PRKACA: variants seen among roughly 807,000 people sequenced by gnomAD.
The protein encoded by PRKACA is cAMP-dependent protein kinase catalytic subunit alpha.
A neutral mutation model predicts 45.8 loss-of-function variants in PRKACA; 9 were observed. That is an observed-to-expected ratio of 0.20 (90% confidence interval 0.12 to 0.34). PRKACA has a LOEUF of 0.34. PRKACA is among the 10% of genes least tolerant of loss of function. PRKACA has a pLI of 1.00. For missense variants in PRKACA, 238 were observed against 458.6 expected, an observed-to-expected ratio of 0.52 and a Z score of 4.39; for synonymous variants, 160 against 178.6, an observed-to-expected ratio of 0.90 and a Z score of 0.83.
intron 1 of PRKACA, among the ~76,000 whole-genome samples, chr19:14,109,391 T>G (rs1977704124): frequency 6.6e-6 from 1 of 151,666 alleles, no homozygotes. Context: ...GAAGTTGCAG[T>G]GAGCTGAGAT....
rs553317812 is a variant in PRKACA at position 14,111,715 on chromosome 19, C to T, written c.47-4306G>A. 3.9e-5 allele frequency among the ~76,000 whole-genome samples: 6 copies of T among 152,158 alleles called. 1 individual carries two copies. The highest frequency in any genetic ancestry group is 4.1e-4 in the South Asian group (2 of 4,826). ...TTAGTCTCCCAAAGTGCTGGGATTACGGGCATGAGCCACTGTGCCTGGCTT... is the reference window on the plus strand; with the variant it reads ...TTAGTCTCCCAAAGTGCTGGGATTATGGGCATGAGCCACTGTGCCTGGCTT... On this transcript the variant is annotated intron_variant, in intron 1 of 9. Transcript: ENST00000308677.
Position 14,097,158 on chromosome 19 carries a change from G to A in PRKACA, c.765+203C>T. On this transcript the variant is annotated intron_variant, in intron 8 of 9. Transcript: ENST00000308677. This position sits in a 1 kb window ranked among gnomAD's most constrained non-coding sequence, Gnocchi z 5.4. ...GGATTTTGGAAGCCCATGGGATTCT[G>A]GAACCGCGGGGTTGGGGCTGGACAG... 1.4e-6 allele frequency: 1 copy of A among 727,204 alleles called. No individual in the cohort carries two copies. The highest frequency in any genetic ancestry group is 2.2e-6 in the Non-Finnish European group (1 of 452,592). The allele number at this position is 727,204 out of a possible 1,614,324, so 45.0% of individuals were successfully genotyped here.
chr19:14,106,666 G>A, intron 3 of PRKACA, 94 bp downstream of exon 3: 1 of 1,528,022 alleles, frequency 6.5e-7, no homozygotes, highest in Non-Finnish European at 8.9e-7. Flanking sequence ...AAAAAAGCAA[G>A]TGAGTGAACG....
intron 1 of PRKACA, among the ~76,000 whole-genome samples, chr19:14,115,880 C>CCG (rs908654826): frequency 7.9e-5 from 12 of 152,106 alleles, no homozygotes; most frequent in Admixed American, 3.9e-4. Flanking sequence ...CCTCCCCCCC[C>CCG]GGCCAAGTCC....
intron 9 of PRKACA, 111 bp from the exon 10 acceptor site, chr19:14,093,348 G>C (rs1378491187): frequency 1.4e-6 from 2 of 1,396,782 alleles, no homozygotes; most frequent in African/African-American, 1.5e-5. Context: ...ACTCAGGCCT[G>C]TGCTTACCAT....
rs997011707 is a variant in PRKACA at position 14,092,786 on chromosome 19, C to T, written c.*326G>A. The T allele has an allele frequency of 6.6e-6, 3 of 452,848 alleles. No individual in the cohort carries two copies. Among genetic ancestry groups the T allele is most frequent in the African/African-American group, 2.0e-5 (1 of 50,900 alleles). 28.1% of individuals were successfully genotyped at this position (452,848 alleles called of 1,614,324 possible). A position where few individuals can be genotyped will look rare whatever the true frequency, so the allele number is the denominator to read the frequency against. On this transcript the variant is annotated 3_prime_UTR_variant, in exon 10 of 10. Transcript: ENST00000308677. ...CCTGTCCCTGGATACACCAGCAAGA[C>T]CTGGTCTGACTGGAGTTGAGAAACT...
intron 8 of PRKACA, chr19:14,096,358 T>G (rs1329607841): frequency 1.3e-5 from 2 of 151,968 alleles, no homozygotes; most frequent in South Asian, 2.1e-4. Flanking sequence ...TTTGTTTTTT[T>G]TTTTTTTTTT....
At chr19:14,109,690 C>A (rs1977716348) in intron 1 of PRKACA, among the ~76,000 whole-genome samples, 1 of 150,824 alleles carries the variant, frequency 6.6e-6, no homozygotes, top group African/African-American at 2.4e-5. Flanking sequence ...ATAATCCCAG[C>A]ACTTTGGGAG....
Position 14,093,041 on chromosome 19 carries a change from A to AGGGGGGGC in PRKACA, c.*70_*71insGCCCCCCC. 3 of 500,028 alleles carry AGGGGGGGC rather than the reference A, an allele frequency of 6.0e-6. No individual in the cohort carries two copies. Among genetic ancestry groups the AGGGGGGGC allele is most frequent in the Middle Eastern group, 5.6e-4 (1 of 1,774 alleles). The allele number at this position is 500,028 out of a possible 1,614,324, so 31.0% of individuals were successfully genotyped here. On this transcript the variant is annotated 3_prime_UTR_variant, in exon 10 of 10. Transcript: ENST00000308677. ...CTGGGGCCCTCTGGCTGTTCAATCC[A>AGGGGGGGC]ACCCTCCCACCCCCCCGACCAAAAA...
chr19:14,102,913 A>T lies in PRKACA; in HGVS notation c.239T>A (p.Val80Glu). The T allele has an allele frequency of 6.2e-7, 1 of 1,612,534 alleles. No homozygotes were observed. The highest frequency in any genetic ancestry group is 8.5e-7 in the Non-Finnish European group (1 of 1,178,680). ...GTGTTCGATCTGTTTCAGTTTCACCACCTGGGAAGGGAAGGAGGGGAGGGC... is the reference window on the plus strand; with the variant it reads ...GTGTTCGATCTGTTTCAGTTTCACCTCCTGGGAAGGGAAGGAGGGGAGGGC... ...YAMKILDKQK[V>E]VKLKQIEHTL... The change falls in exon 4 of 10, where the codon GTG (valine) becomes GAG (glutamate). Residue 80 changes from valine to glutamate, a missense_variant and splice_region_variant. Physicochemically the swap from Val to Glu is moderately radical, Grantham distance 121. This residue lies in a region of PRKACA where 93 missense variants were observed against 149.1 expected (regional missense o/e 0.62). Transcript: ENST00000308677.
chr19:14,109,965 A>AAAAT (rs1568537449), intron 1 of PRKACA, among the ~76,000 whole-genome samples: 7 of 23,770 alleles, frequency 2.9e-4, no homozygotes, highest in Non-Finnish European at 6.0e-4. Context: ...AAAAAAAAAA[A>AAAAT]ATATATATAT....
rs755508542 is a variant in PRKACA, at chr19:14,097,562, G to T, written c.642+17C>A. ...GAGCCGGCCTCAGGGGAAGGGGAGG[G>T]CTGGGGAGGCTCCTACTTTGCTCAG... On this transcript the variant is annotated intron_variant, in intron 7 of 9. Coordinates refer to ENST00000308677, the MANE Select transcript of PRKACA (RefSeq NM_002730.4). This position sits in a 1 kb window ranked among gnomAD's most constrained non-coding sequence, Gnocchi z 5.4. 3.7e-6 allele frequency: 6 copies of T among 1,613,226 alleles called. No homozygotes were observed. Among genetic ancestry groups the T allele is most frequent in the Non-Finnish European group, 4.2e-6 (5 of 1,179,582 alleles).
Position 14,093,041 on chromosome 19 carries a change from A to ATGGCGC in PRKACA, c.*70_*71insGCGCCA. 6.0e-6 allele frequency: 3 copies of ATGGCGC among 500,030 alleles called. No individual in the cohort carries two copies. The highest frequency in any genetic ancestry group is 1.1e-5 in the Non-Finnish European group (3 of 278,314). The allele number at this position is 500,030 out of a possible 1,614,324, so 31.0% of individuals were successfully genotyped here. On this transcript the variant is annotated 3_prime_UTR_variant, in exon 10 of 10. Transcript: ENST00000308677. ...CTGGGGCCCTCTGGCTGTTCAATCC[A>ATGGCGC]ACCCTCCCACCCCCCCGACCAAAAA...
At chr19:14,095,423 C>T (rs1472583390) in intron 8 of PRKACA, among the ~76,000 whole-genome samples, 1 of 151,942 alleles carries the variant, frequency 6.6e-6, no homozygotes, top group Non-Finnish European at 1.5e-5. Flanking sequence ...CCCGCCTCGG[C>T]CTCCCAAAGT....
At position 14,100,891 on chromosome 19, in the gene PRKACA, G is replaced by A. The variant is rs376915447; in HGVS notation, c.354C>T (p.Tyr118=). Reference sequence around the variant, plus strand: ...CGCCGGGCACGTACTCCATGACCATGTATAAGTTTGAGTTGTCCTGTGGGA... The same window carrying A: ...CGCCGGGCACGTACTCCATGACCATATATAAGTTTGAGTTGTCCTGTGGGA... ...EFSFKDNSNL[Y]MVMEYVPGGE... is the part of the protein sequence containing the mutation. Residue 118 remains tyrosine, a synonymous_variant, in exon 5 of 10, where the codon TAC becomes TAT. Transcript: ENST00000308677. 72 of 1,613,974 alleles carry A rather than the reference G, an allele frequency of 4.5e-5. No homozygotes were observed. In the African/African-American group the frequency reaches 9.1e-4, roughly 20 times the overall value.
chr19:14,095,679 A>G (rs1281275591), intron 8 of PRKACA, among the ~76,000 whole-genome samples: 2 of 148,178 alleles, frequency 1.3e-5, no homozygotes, highest in African/African-American at 5.0e-5. Context: ...CACCACGCCC[A>G]GCTAATTTTT....
In PRKACA at chr19:14,106,747, C is replaced by T. The variant is rs1977618914; in HGVS notation, c.237+13G>A. The T allele has an allele frequency of 6.2e-7, 1 of 1,614,044 alleles. No individual in the cohort carries two copies. The highest frequency in any genetic ancestry group is 8.5e-7 in the Non-Finnish European group (1 of 1,179,902). On this transcript the variant is annotated intron_variant, in intron 3 of 9. Transcript: ENST00000308677. ...CTGACAGGCAGGCCCTGAGCGAGGACAGGCCACCTCACCTTCTGTTTGTCG... is the reference window on the plus strand; with the variant it reads ...CTGACAGGCAGGCCCTGAGCGAGGATAGGCCACCTCACCTTCTGTTTGTCG...
At chr19:14,106,572 T>C (rs954313934) in intron 3 of PRKACA, among the ~76,000 whole-genome samples, 188 bp downstream of exon 3, 8 of 152,096 alleles carry the variant, frequency 5.3e-5, no homozygotes, top group Non-Finnish European at 7.4e-5. Flanking sequence ...GAGAATCGCT[T>C]GAACTAGGGA....
intron 5 of PRKACA, among the ~76,000 whole-genome samples, chr19:14,099,162 T>C (rs370106010): frequency 1.2e-4 from 18 of 152,032 alleles, no homozygotes; most frequent in South Asian, 6.2e-4. Flanking sequence ...CAAGGGGGCA[T>C]GCACCTGTAG....
Sources: gnomAD v4.1 joint callset for allele counts (sites outside exome capture counted in the v4.1 genomes callset) on GRCh38, gnomAD v4.1.1 for gene constraint, gnomAD v4.1.1 regional missense constraint, Gnocchi (gnomAD v3.1) non-coding constraint, MANE v1.5 for transcripts, NCBI Gene and HGNC (gene_info 2026-07-23, HGNC 2026-07-21) for gene names.